HEMK2: variants seen among roughly 807,000 people sequenced by gnomAD.
HEMK2 encodes the protein HemK methyltransferase 2, ETF1 glutamine and histone H4 lysine, also known as methyltransferase HEMK2.
chr21:28,655,570 G>A, the HEMK2 span, among the ~76,000 whole-genome samples: 1 of 152,010 alleles, frequency 6.6e-6, no homozygotes, highest in Non-Finnish European at 1.5e-5. Flanking sequence ...GACAACTCAG[G>A]ATAGTAGCCC....
chr21:28,789,116 T>TA, the HEMK2 span, among the ~76,000 whole-genome samples: 40 of 151,344 alleles, frequency 2.6e-4, no homozygotes, highest in East Asian at 2.7e-3. Flanking sequence ...GTTTTAAGTT[T>TA]AAAAAAAAAG....
chr21:28,724,149 G>A, the HEMK2 span, among the ~76,000 whole-genome samples: 1 of 152,164 alleles, frequency 6.6e-6, no homozygotes, highest in Non-Finnish European at 1.5e-5. Flanking sequence ...AATTACTTGT[G>A]AGAGTTATTA....
At chr21:28,865,840 G>A in the HEMK2 span, among the ~76,000 whole-genome samples, 2 of 151,960 alleles carry the variant, frequency 1.3e-5, no homozygotes, top group African/African-American at 2.4e-5. Context: ...AACTCTCTGT[G>A]CGTTCCTCTA....
At chr21:28,619,024 C>T in the HEMK2 span, among the ~76,000 whole-genome samples, 1 of 152,206 alleles carries the variant, frequency 6.6e-6, no homozygotes, top group African/African-American at 2.4e-5. Flanking sequence ...TAGGCCTTAA[C>T]TTAATATGAT....
At chr21:28,590,485 C>T in the HEMK2 span, among the ~76,000 whole-genome samples, 1 of 152,170 alleles carries the variant, frequency 6.6e-6, no homozygotes, top group African/African-American at 2.4e-5. Context: ...TCCATCAACA[C>T]TGCAGTGAAC....
the HEMK2 span, among the ~76,000 whole-genome samples, chr21:28,806,180 C>G: frequency 1.6e-4 from 24 of 152,266 alleles, no homozygotes; most frequent in East Asian, 1.7e-3. Context: ...GCCTGATCAG[C>G]CTGTGATGCC....
chr21:28,603,545 ATATATGTGTG>A, the HEMK2 span, among the ~76,000 whole-genome samples: 24 of 95,646 alleles, frequency 2.5e-4, no homozygotes, highest in African/African-American at 9.3e-4. Context: ...TACTGAGGAT[ATATATGTGTG>A]TGTGTGTGTG....
chr21:28,636,151 T>C, the HEMK2 span, among the ~76,000 whole-genome samples: 4 of 152,208 alleles, frequency 2.6e-5, no homozygotes, highest in African/African-American at 7.2e-5. Flanking sequence ...CCTTTTTTGG[T>C]ACATTGAGTA....
chr21:28,865,027 C>T, the HEMK2 span, among the ~76,000 whole-genome samples: 1 of 151,760 alleles, frequency 6.6e-6, no homozygotes, highest in Non-Finnish European at 1.5e-5. Flanking sequence ...CCCATTCCCA[C>T]AGCCTTAACC....
At chr21:28,658,772 A>G in the HEMK2 span, among the ~76,000 whole-genome samples, 1 of 152,094 alleles carries the variant, frequency 6.6e-6, no homozygotes, top group Non-Finnish European at 1.5e-5. Context: ...TTTTCATGTA[A>G]ATTAATGTTA....
the HEMK2 span, among the ~76,000 whole-genome samples, chr21:28,595,309 T>A: frequency 6.6e-6 from 1 of 151,350 alleles, no homozygotes; most frequent in Non-Finnish European, 1.5e-5. Flanking sequence ...CGCCCCCACA[T>A]CCCCCTAGCC....
chr21:28,829,503 A>G, the HEMK2 span, among the ~76,000 whole-genome samples: 1 of 152,172 alleles, frequency 6.6e-6, no homozygotes, highest in African/African-American at 2.4e-5. Flanking sequence ...CCATGAGATG[A>G]CACAGCAAGA....
chr21:28,819,572 G>T, the HEMK2 span, among the ~76,000 whole-genome samples: 2 of 128,410 alleles, frequency 1.6e-5, no homozygotes, highest in South Asian at 2.4e-4. Flanking sequence ...TTCAGACAGA[G>T]TCTTAATCTG....
chr21:28,807,307 A>C, the HEMK2 span, among the ~76,000 whole-genome samples: 2 of 152,142 alleles, frequency 1.3e-5, no homozygotes, highest in African/African-American at 4.8e-5. Flanking sequence ...AAAACCCGGG[A>C]GTCATCCTAA....
the HEMK2 span, among the ~76,000 whole-genome samples, chr21:28,684,268 A>C: frequency 6.6e-6 from 1 of 152,244 alleles, no homozygotes; most frequent in Non-Finnish European, 1.5e-5. Flanking sequence ...AATTCTTTAA[A>C]ATCTGGAATG....
chr21:28,799,398 C>T, the HEMK2 span, among the ~76,000 whole-genome samples: 2 of 152,176 alleles, frequency 1.3e-5, no homozygotes, highest in African/African-American at 4.8e-5. Flanking sequence ...TTACCTCCCA[C>T]TGGGTCCCTC....
At chr21:28,704,994 T>G in the HEMK2 span, among the ~76,000 whole-genome samples, 1 of 152,282 alleles carries the variant, frequency 6.6e-6, no homozygotes, top group Non-Finnish European at 1.5e-5. Context: ...CCTTCCCTCT[T>G]CACTGCTGCT....
At chr21:28,876,755 T>C in the HEMK2 span, among the ~76,000 whole-genome samples, 5 of 152,090 alleles carry the variant, frequency 3.3e-5, no homozygotes, top group Non-Finnish European at 7.3e-5. Context: ...AGCAGAAACA[T>C]TAATTGTCAT....
the HEMK2 span, among the ~76,000 whole-genome samples, chr21:28,707,462 G>A: frequency 4.0e-5 from 6 of 151,644 alleles, no homozygotes; most frequent in Non-Finnish European, 7.4e-5. Flanking sequence ...CACCATGTTG[G>A]CCAGGCTGGT....
Sources: allele counts gnomAD v4.1 joint callset (sites outside exome capture counted in the v4.1 genomes callset), GRCh38; gene constraint gnomAD v4.1.1; transcripts MANE v1.5; gene names NCBI Gene and HGNC (gene_info 2026-07-23, HGNC 2026-07-21).